Variants in KLHL2 observed in about 807,000 individuals in gnomAD.
KLHL2 encodes kelch-like protein 2.
KLHL2 carries 15 observed loss-of-function variants against 75.8 expected under a neutral mutation model. That is an observed-to-expected ratio of 0.20 (90% CI 0.13 to 0.30). KLHL2 has a LOEUF of 0.30. Ranked by LOEUF, KLHL2 falls within the 10% of genes least tolerant of loss-of-function variation. KLHL2 has a pLI of 1.00. For missense variants in KLHL2, 381 were observed against 741.0 expected (o/e 0.51, Z 5.64); for synonymous variants, 214 against 251.9 (o/e 0.85, Z 1.42).
chr4:165,303,404 G>C (rs1745478589), intron 8 of KLHL2, among the ~76,000 whole-genome samples: 1 of 150,784 alleles, frequency 6.6e-6, no homozygotes, highest in African/African-American at 2.4e-5. Context: ...TTCAACTATT[G>C]TCTCTTGGGC....
At chr4:165,212,856 CT>C (rs1464082977) in intron 1 of KLHL2, among the ~76,000 whole-genome samples, 1 of 152,210 alleles carries the variant, frequency 6.6e-6, no homozygotes, top group Non-Finnish European at 1.5e-5. Context: ...TTGGCCAGTT[CT>C]TTTCAATCAC....
intron 5 of KLHL2, chr4:165,277,839 G>A (rs768273002): frequency 1.3e-6 from 1 of 743,746 alleles, no homozygotes; most frequent in Non-Finnish European, 2.5e-6. Flanking sequence ...TTAAGCCACA[G>A]GTCTACTTGG....
intron 3 of KLHL2, among the ~76,000 whole-genome samples, chr4:165,234,657 C>T (rs1045471550): frequency 7.2e-6 from 1 of 139,686 alleles, no homozygotes; most frequent in Non-Finnish European, 1.5e-5. Flanking sequence ...CGCTCTGTAC[C>T]AGGCTGGAGT....
intron 4 of KLHL2, among the ~76,000 whole-genome samples, chr4:165,248,699 G>A (rs1740452363): frequency 6.6e-6 from 1 of 152,182 alleles, no homozygotes; most frequent in South Asian, 2.1e-4. Context: ...TGCTATTCAA[G>A]CTTAAAGTCT....
intron 13 of KLHL2, 73 bp downstream of exon 13, chr4:165,314,239 T>C: frequency 7.6e-7 from 1 of 1,307,470 alleles, no homozygotes; most frequent in Non-Finnish European, 1.1e-6. Context: ...ACTCTATCAA[T>C]GAATATCAAT....
At chr4:165,253,447 A>T (rs1228853914) in intron 4 of KLHL2, among the ~76,000 whole-genome samples, 3 of 152,224 alleles carry the variant, frequency 2.0e-5, no homozygotes, top group Non-Finnish European at 2.9e-5. Flanking sequence ...CAGGAAAAAA[A>T]GTTTGTATAT....
In KLHL2 at chr4:165,285,216, G is replaced by A. The variant is rs188943058; in HGVS notation, c.545-9143G>A. On this transcript the variant is annotated intron_variant, in intron 5 of 14. Transcript: ENST00000226725. ...ATACATATTATAGAAGCTGTGTCAGGTGACCTTTCAGATCTCTTATACCAT... is the reference window on the plus strand; with the variant it reads ...ATACATATTATAGAAGCTGTGTCAGATGACCTTTCAGATCTCTTATACCAT... Among the ~76,000 whole-genome samples the A allele has an allele frequency of 1.8e-3, 277 of 152,250 alleles. 3 individuals carry two copies. The highest frequency in any genetic ancestry group is 5.9e-3 in the African/African-American group (247 of 41,550).
rs189401614 is a variant in KLHL2, at chr4:165,254,618, G to C, written c.382-8579G>C. Among the ~76,000 whole-genome samples, 563 of 152,278 alleles carry C rather than the reference G, an allele frequency of 3.7e-3. 4 individuals are homozygous for C. Among genetic ancestry groups the C allele is most frequent in the Non-Finnish European group, 5.9e-3 (401 of 68,022 alleles). On this transcript the variant is annotated intron_variant, in intron 4 of 14. Coordinates refer to ENST00000226725, the MANE Select transcript of KLHL2 (RefSeq NM_007246.4). ...GCCAAGGCTTACTGTACTTTAGTTT[G>C]AATATATATTGTCTGGAAACATTTT...
chr4:165,279,745 C>G (rs1743510094), intron 5 of KLHL2: 1 of 912,726 alleles, frequency 1.1e-6, no homozygotes, highest in East Asian at 2.5e-5. Context: ...CGAGGCCGCG[C>G]GAGTCCGCTG....
chr4:165,264,753 T>TATATAC (rs1742096413), intron 5 of KLHL2, among the ~76,000 whole-genome samples: 2 of 81,672 alleles, frequency 2.4e-5, no homozygotes, highest in South Asian at 3.5e-4. Context: ...TATATATATA[T>TATATAC]ATATATATAT....
Position 165,207,891 on chromosome 4 carries a change from G to A in KLHL2, c.15G>A (p.Pro5=). ...GAGGAGCCACAATGGAGACGCCGCC[G>A]CTGCCTCCCGCGTGAGTGAGCGGGC... METP[P]LPPACTKQGH... is the part of the protein sequence containing the mutation. Residue 5 remains proline (P), a synonymous_variant, in exon 1 of 15, where the codon CCG becomes CCA. Coordinates refer to ENST00000226725, the MANE Select transcript of KLHL2 (RefSeq NM_007246.4). The surrounding 1 kb of genome is among the most constrained non-coding windows in gnomAD (Gnocchi z 4.2). The A allele has an allele frequency of 7.0e-7, 1 of 1,437,882 alleles. No individual in the cohort carries two copies. The highest frequency in any genetic ancestry group is 9.2e-7 in the Non-Finnish European group (1 of 1,088,050). 89.1% of individuals were successfully genotyped at this position (1,437,882 alleles called of 1,614,324 possible). A position where few individuals can be genotyped will look rare whatever the true frequency, so the allele number is the denominator to read the frequency against.
chr4:165,276,190 C>CT (rs1743079117), intron 5 of KLHL2, among the ~76,000 whole-genome samples: 1 of 152,134 alleles, frequency 6.6e-6, no homozygotes, highest in African/African-American at 2.4e-5. Flanking sequence ...ATTTTCCATT[C>CT]TTTGGCTCTT....
chr4:165,225,094 C>T (rs1016312027), intron 2 of KLHL2, among the ~76,000 whole-genome samples: 1 of 152,128 alleles, frequency 6.6e-6, no homozygotes, highest in African/African-American at 2.4e-5. Flanking sequence ...CTGGGAAGGA[C>T]CAATTTTCAT....
At chr4:165,232,565 T>C (rs558048941) in intron 3 of KLHL2, among the ~76,000 whole-genome samples, 1 of 152,088 alleles carries the variant, frequency 6.6e-6, no homozygotes, top group African/African-American at 2.4e-5. Context: ...ATCTCATCTC[T>C]AAAAAGATTT....
In KLHL2 at chr4:165,279,227, T is replaced by C. The variant is rs1483101279; in HGVS notation, c.545-15132T>C. 6 of 1,535,188 alleles carry C rather than the reference T, an allele frequency of 3.9e-6. No individual in the cohort carries two copies. In the African/African-American group the frequency reaches 6.8e-5, roughly 17 times the overall value. On this transcript the variant is annotated intron_variant, in intron 5 of 14. Transcript: ENST00000226725. ...GTAAGTGCTAAGTGGAAGGCCTGTC[T>C]TGGACTTGACAAAGTTATTATTTCC... is the stretch of plus-strand genomic sequence containing the variant.
intron 2 of KLHL2, among the ~76,000 whole-genome samples, chr4:165,225,603 G>A (rs1237099699): frequency 6.6e-6 from 1 of 151,986 alleles, no homozygotes; most frequent in Admixed American, 6.6e-5. Flanking sequence ...TATTTTTAGT[G>A]CCAGACTTTT....
chr4:165,309,932 A>C (rs1746018945), intron 9 of KLHL2, among the ~76,000 whole-genome samples: 1 of 152,174 alleles, frequency 6.6e-6, no homozygotes, highest in Non-Finnish European at 1.5e-5. Flanking sequence ...AGGTGAGTAC[A>C]GGTTCAAGTA....
chr4:165,259,292 G>A (rs751275410), intron 4 of KLHL2, among the ~76,000 whole-genome samples: 4 of 152,024 alleles, frequency 2.6e-5, no homozygotes, highest in African/African-American at 4.8e-5. Context: ...TAGTAGAAAC[G>A]AGGTTTTGCT....
At chr4:165,228,657 A>C (rs545598357) in intron 2 of KLHL2, 150 bp from the exon 3 acceptor site, 5 of 558,906 alleles carry the variant, frequency 8.9e-6, no homozygotes, top group Non-Finnish European at 1.7e-5. Flanking sequence ...TATGTACTTC[A>C]TGTTTAGGGA....
Sources: allele counts gnomAD v4.1 joint callset (sites outside exome capture counted in the v4.1 genomes callset), GRCh38; gene constraint gnomAD v4.1.1; non-coding constraint Gnocchi (gnomAD v3.1); transcripts MANE v1.5; gene names NCBI Gene and HGNC (gene_info 2026-07-23, HGNC 2026-07-21).